Variants in SBF2 observed in about 807,000 individuals in gnomAD.
SBF2 encodes the protein myotubularin-related protein 13.
In SBF2, 112 loss-of-function variants were observed where a neutral mutation model predicts 225.2. That is an observed-to-expected ratio of 0.50 (90% CI 0.43 to 0.58). The LOEUF (loss-of-function observed/expected upper bound fraction) is 0.58. SBF2 is among the 20% of genes least tolerant of loss of function. The probability of loss-of-function intolerance (pLI) is 0.00; values close to 1 mark genes in which losing one functional copy is unlikely to be tolerated. For synonymous variants in SBF2, 763 were observed against 773.3 expected (o/e 0.99, Z 0.22); for missense variants, 1,996 against 2,206.2 (o/e 0.90, Z 1.91).
intron 1 of SBF2, among the ~76,000 whole-genome samples, chr11:10,212,129 T>C (rs1229852898): frequency 6.6e-6 from 1 of 152,174 alleles, no homozygotes; most frequent in Non-Finnish European, 1.5e-5. Flanking sequence ...TACCATAAAG[T>C]CCATTAACCC....
chr11:9,805,475 G>A (rs1377481731), intron 32 of SBF2, among the ~76,000 whole-genome samples: 5 of 152,090 alleles, frequency 3.3e-5, no homozygotes, highest in South Asian at 2.1e-4. Context: ...TATTCAAATC[G>A]GATATGTGGA....
chr11:10,087,657 G>A (rs1187284842), intron 2 of SBF2, among the ~76,000 whole-genome samples: 1 of 152,174 alleles, frequency 6.6e-6, no homozygotes, highest in Non-Finnish European at 1.5e-5. Flanking sequence ...AGCTCATGAA[G>A]CTTATGAGGG....
intron 17 of SBF2, among the ~76,000 whole-genome samples, chr11:9,883,535 G>A (rs978166116): frequency 4.6e-5 from 7 of 152,122 alleles, no homozygotes; most frequent in East Asian, 1.9e-4. Context: ...AAATCCTCAC[G>A]TGTGTATGTG....
At chr11:9,860,202 C>T (rs1448984488) in intron 17 of SBF2, among the ~76,000 whole-genome samples, 1 of 151,816 alleles carries the variant, frequency 6.6e-6, no homozygotes, top group Admixed American at 6.6e-5. Flanking sequence ...ATTTTTTAGT[C>T]CTTTACTGTA....
chr11:10,100,822 G>T (rs536918701), intron 2 of SBF2, among the ~76,000 whole-genome samples: 5 of 152,214 alleles, frequency 3.3e-5, no homozygotes, highest in African/African-American at 1.2e-4. Context: ...AGCCTTGTGT[G>T]GAGGTGTCTG....
At chr11:10,142,919 C>A (rs1954712363) in intron 2 of SBF2, among the ~76,000 whole-genome samples, 1 of 152,134 alleles carries the variant, frequency 6.6e-6, no homozygotes, top group South Asian at 2.1e-4. Context: ...AAGAAAGGTA[C>A]CACTTGGCAA....
intron 2 of SBF2, among the ~76,000 whole-genome samples, chr11:10,101,320 T>C (rs1952292499): frequency 6.6e-6 from 1 of 152,216 alleles, no homozygotes; most frequent in Non-Finnish European, 1.5e-5. Context: ...GCCAGTTTAA[T>C]ACTGGGTGCT....
intron 16 of SBF2, among the ~76,000 whole-genome samples, chr11:9,940,583 T>G (rs993032387): frequency 3.3e-5 from 5 of 152,162 alleles, no homozygotes; most frequent in African/African-American, 1.2e-4. Flanking sequence ...TTGAAAAAAT[T>G]TAAGTGTATA....
intron 31 of SBF2, 105 bp downstream of exon 31, chr11:9,808,796 C>G (rs1301623110): frequency 1.2e-6 from 1 of 857,716 alleles, no homozygotes; most frequent in East Asian, 2.8e-5. Context: ...CTTTCTCTGT[C>G]CATAAACACA....
At chr11:9,965,030 C>T (rs558560365) in intron 14 of SBF2, among the ~76,000 whole-genome samples, 1 of 152,104 alleles carries the variant, frequency 6.6e-6, no homozygotes, top group Non-Finnish European at 1.5e-5. Context: ...TCCCACCCTC[C>T]CAGCCTTCTG....
intron 1 of SBF2, among the ~76,000 whole-genome samples, chr11:10,266,053 G>C (rs1961954860): frequency 6.6e-6 from 1 of 151,960 alleles, no homozygotes; most frequent in South Asian, 2.1e-4. Flanking sequence ...TACTTTTTCG[G>C]CTAGGCAGAA....
rs948316807 is a variant in SBF2 at position 9,805,005 on chromosome 11, A to G, written c.4443+2995T>C. On this transcript the variant is annotated intron_variant, in intron 32 of 39. Coordinates refer to ENST00000256190, the MANE Select transcript of SBF2 (RefSeq NM_030962.4). Reference sequence around the variant, plus strand: ...CACGCCTGTAATCCCAGTACTTTGGAAGGCCAAGGCAGATAGATCACCTGA... The same window carrying G: ...CACGCCTGTAATCCCAGTACTTTGGGAGGCCAAGGCAGATAGATCACCTGA... Among the ~76,000 whole-genome samples, 9 of 152,254 alleles carry G rather than the reference A, an allele frequency of 5.9e-5. No individual in the cohort carries two copies. The South Asian group carries it at 1.9e-3, about 32-fold the overall frequency.
intron 17 of SBF2, among the ~76,000 whole-genome samples, chr11:9,875,988 C>T (rs1488602401): frequency 2.0e-5 from 3 of 150,584 alleles, no homozygotes; most frequent in Non-Finnish European, 2.9e-5. Context: ...TACATGGGAA[C>T]GCCAAGATAA....
intron 1 of SBF2, among the ~76,000 whole-genome samples, chr11:10,259,478 T>C (rs1032316465): frequency 3.2e-4 from 48 of 152,212 alleles, no homozygotes; most frequent in African/African-American, 1.1e-3. Context: ...AGAACCTAAC[T>C]AAGAAAAAAG....
At chr11:9,904,318 A>G (rs1861956837) in intron 16 of SBF2, among the ~76,000 whole-genome samples, 1 of 152,198 alleles carries the variant, frequency 6.6e-6, no homozygotes, top group South Asian at 2.1e-4. Flanking sequence ...ATCAGAATAT[A>G]AAATACTCTT....
At chr11:9,962,228 T>C (rs1052369907) in intron 15 of SBF2, 122 bp from the exon 16 acceptor site, 2 of 828,164 alleles carry the variant, frequency 2.4e-6, no homozygotes, top group Non-Finnish European at 4.0e-6. Context: ...ATTAGTAAAA[T>C]TAAACTCCTA....
chr11:9,937,632 A>G (rs1414214132), intron 16 of SBF2, among the ~76,000 whole-genome samples: 2 of 152,202 alleles, frequency 1.3e-5, no homozygotes, highest in Non-Finnish European at 2.9e-5. Context: ...TATGACAAGA[A>G]GATGAAATAA....
rs146177314 is a variant in SBF2 at position 10,158,308 on chromosome 11, G to A, written c.141+35594C>T. Among the ~76,000 whole-genome samples the A allele has an allele frequency of 4.8e-3, 723 of 151,692 alleles. 4 individuals are homozygous for A. The highest frequency in any genetic ancestry group is 5.6e-3 in the South Asian group (27 of 4,808). On this transcript the variant is annotated intron_variant, in intron 2 of 39. Transcript: ENST00000256190. Reference sequence around the variant, plus strand: ...AAAAAGAAGAGCAAACTAAATCAGCGGAAGAAAAGAAAATAATAAAGATTA... The same window carrying A: ...AAAAAGAAGAGCAAACTAAATCAGCAGAAGAAAAGAAAATAATAAAGATTA...
chr11:10,134,982 G>A (rs911652410), intron 2 of SBF2, among the ~76,000 whole-genome samples: 3 of 152,248 alleles, frequency 2.0e-5, no homozygotes, highest in Non-Finnish European at 4.4e-5. Flanking sequence ...TGCCCTAGCA[G>A]AAGTTCTTCC....
Sources: gnomAD v4.1 joint callset for allele counts (sites outside exome capture counted in the v4.1 genomes callset) on GRCh38, gnomAD v4.1.1 for gene constraint, MANE v1.5 for transcripts, NCBI Gene and HGNC (gene_info 2026-07-23, HGNC 2026-07-21) for gene names.